GALNT16: variants seen among roughly 807,000 people sequenced by gnomAD.
The protein encoded by GALNT16 is UDP-GalNAc:polypeptide N-acetylgalactosaminyltransferase-like protein 1.
In GALNT16, 40 loss-of-function variants were observed where a neutral mutation model predicts 76.1. The ratio of observed to expected loss-of-function variants is 0.53; its 90% CI spans 0.41 to 0.68. The LOEUF is 0.68. Among genes scored for constraint, GALNT16 ranks in the 30% least tolerant of loss-of-function variants. The pLI is 0.00. For synonymous variants in GALNT16, 276 were observed against 285.2 expected (o/e 0.97, Z 0.32); for missense variants, 621 against 731.9 (o/e 0.85, Z 1.75).
chr14:69,309,919 G>T (rs962943028), intron 1 of GALNT16, among the ~76,000 whole-genome samples: 7 of 151,990 alleles, frequency 4.6e-5, no homozygotes, highest in Non-Finnish European at 8.8e-5. Flanking sequence ...TTCTTTTTCA[G>T]TTTAAATATT....
At chr14:69,318,466 G>A (rs767956884) in intron 1 of GALNT16, among the ~76,000 whole-genome samples, 140 of 152,210 alleles carry the variant, frequency 9.2e-4, no homozygotes, top group Admixed American at 1.3e-3. Context: ...GGCGCTTGGT[G>A]GAGCTTTGTT....
chr14:69,291,376 G>A (rs918333667), intron 1 of GALNT16, among the ~76,000 whole-genome samples: 4 of 152,040 alleles, frequency 2.6e-5, no homozygotes, highest in South Asian at 2.1e-4. Flanking sequence ...CCCCCTCCCC[G>A]GCTTATTAGA....
chr14:69,329,148 G>A (rs1209735901), intron 6 of GALNT16, among the ~76,000 whole-genome samples: 2 of 152,146 alleles, frequency 1.3e-5, no homozygotes, highest in Admixed American at 6.5e-5. Context: ...ACCTGAGATC[G>A]GGAGTTCAAG....
In GALNT16 at chr14:69,312,054, AATCTGTCTATCT is replaced by A. The variant is rs1357829838; in HGVS notation, c.178-8652_178-8641del. Among the ~76,000 whole-genome samples, 854 of 125,738 alleles carry A rather than the reference AATCTGTCTATCT, an allele frequency of 6.8e-3. 8 individuals carry two copies. The highest frequency in any genetic ancestry group is 0.018 in the African/African-American group (608 of 32,884). 82.5% of individuals were successfully genotyped at this position (125,738 alleles called of 152,430 possible). ...TCCTGTTTCTAAAAAAAAAAAAAAA[AATCTGTCTATCT>A]ATCTATCTATCTATCTATCTATCTA... On this transcript the variant is annotated intron_variant, in intron 1 of 14. Transcript: ENST00000448469.
intron 1 of GALNT16, among the ~76,000 whole-genome samples, chr14:69,270,522 T>G (rs918911397): frequency 2.6e-5 from 4 of 152,220 alleles, no homozygotes; most frequent in African/African-American, 9.6e-5. Flanking sequence ...TCACAGCAGC[T>G]CTGCCTGTAG....
chr14:69,345,031 G>A (rs1333662936), intron 12 of GALNT16, among the ~76,000 whole-genome samples: 1 of 152,148 alleles, frequency 6.6e-6, no homozygotes, highest in Non-Finnish European at 1.5e-5. Flanking sequence ...GGCAAAGTGC[G>A]ATGCAGAAGC....
intron 1 of GALNT16, among the ~76,000 whole-genome samples, chr14:69,277,910 G>A (rs756200801): frequency 4.7e-4 from 72 of 151,800 alleles, no homozygotes; most frequent in African/African-American, 1.4e-3. Context: ...TTTAATGATC[G>A]CCATTCTAAC....
At chr14:69,371,928 A>G in the GALNT16 span, among the ~76,000 whole-genome samples, 1 of 152,268 alleles carries the variant, frequency 6.6e-6, no homozygotes, top group Admixed American at 6.5e-5. Context: ...TGGGCGACAG[A>G]GCAAGACTGT....
the GALNT16 span, among the ~76,000 whole-genome samples, chr14:69,377,804 CAAAAAAAAAAAAAAAA>C: frequency 4.1e-3 from 152 of 37,500 alleles, 1 homozygote; most frequent in Non-Finnish European, 6.1e-3. Flanking sequence ...GAGACTGTCT[CAAAAAAAAAAAAAAAA>C]AAAAAAAAAA....
chr14:69,375,975 G>A, the GALNT16 span, among the ~76,000 whole-genome samples: 16 of 151,258 alleles, frequency 1.1e-4, no homozygotes, highest in East Asian at 1.2e-3. Flanking sequence ...GTCTACCGTC[G>A]ACGTTAAAAA....
In GALNT16 at chr14:69,353,426, C is replaced by T. The variant is rs570370071; in HGVS notation, c.*1258C>T. 3.9e-5 allele frequency: 6 copies of T among 152,432 alleles called. No homozygotes were observed. The East Asian group carries it at 7.7e-4, about 20-fold the overall frequency. 9.4% of individuals were successfully genotyped at this position (152,432 alleles called of 1,614,324 possible). On this transcript the variant is annotated 3_prime_UTR_variant, in exon 15 of 15. Coordinates refer to ENST00000448469, the MANE Select transcript of GALNT16 (RefSeq NM_001168368.2). ...AGAACTCCCAGTTCCTTTTCACAGC[C>T]GCTGAGAACACATCCACACATCTAC...
At chr14:69,326,536 G>A (rs1043391158) in intron 5 of GALNT16, among the ~76,000 whole-genome samples, 1 of 152,176 alleles carries the variant, frequency 6.6e-6, no homozygotes, top group African/African-American at 2.4e-5. Context: ...CTGTGGTTGT[G>A]TATGAATAGC....
At chr14:69,301,176 A>G (rs67740035) in intron 1 of GALNT16, among the ~76,000 whole-genome samples, 17,889 of 152,016 alleles carry the variant, frequency 0.12, 1,241 homozygotes, top group East Asian at 0.32. Context: ...GGACCTCAGG[A>G]GTTTGTGAGC....
downstream of GALNT16, among the ~76,000 whole-genome samples, chr14:69,361,938 C>T (rs1228353739): frequency 6.6e-6 from 1 of 152,114 alleles, no homozygotes; most frequent in South Asian, 2.1e-4. Context: ...ACCTGGGAGG[C>T]GGAGACTGCA....
In GALNT16 at chr14:69,333,601, G is replaced by A; in HGVS notation, c.967+1G>A. The A allele has an allele frequency of 6.8e-7, 1 of 1,481,074 alleles. No homozygotes were observed. Among genetic ancestry groups the A allele is most frequent in the Non-Finnish European group, 9.4e-7 (1 of 1,065,498 alleles). 91.7% of individuals were successfully genotyped at this position (1,481,074 alleles called of 1,614,324 possible). Reference sequence around the variant, plus strand: ...GACATCTGGGGGGGAGAGAATTTTGGTGAGTTGGGAAATAGTGACAGTGAA... The same window carrying A: ...GACATCTGGGGGGGAGAGAATTTTGATGAGTTGGGAAATAGTGACAGTGAA... On this transcript the variant is annotated splice_donor_variant, in intron 9 of 14. Coordinates refer to ENST00000448469, the MANE Select transcript of GALNT16 (RefSeq NM_001168368.2). LOFTEE classifies it high-confidence loss of function. The surrounding 1 kb of genome is among the most constrained non-coding windows in gnomAD (Gnocchi z 4.2).
At chr14:69,289,692 T>C (rs1460642777) in intron 1 of GALNT16, among the ~76,000 whole-genome samples, 2 of 152,116 alleles carry the variant, frequency 1.3e-5, no homozygotes, top group Non-Finnish European at 2.9e-5. Context: ...GATACTAGGC[T>C]TCCCAAAACA....
chr14:69,374,080 C>T, the GALNT16 span, among the ~76,000 whole-genome samples: 4,984 of 152,252 alleles, frequency 0.033, 292 homozygotes, highest in African/African-American at 0.11. Flanking sequence ...TGTGCCTGGC[C>T]CTCCTCTAAG....
intron 4 of GALNT16, 91 bp downstream of exon 4, chr14:69,325,495 G>T: frequency 2.5e-6 from 2 of 804,094 alleles, no homozygotes; most frequent in Admixed American, 1.7e-5. Flanking sequence ...AGGTTGTCCT[G>T]ACCATCGCAG....
At chr14:69,383,434 A>C in the GALNT16 span, among the ~76,000 whole-genome samples, 3 of 152,270 alleles carry the variant, frequency 2.0e-5, no homozygotes, top group African/African-American at 7.2e-5. Flanking sequence ...TGGTCTGAGG[A>C]GTAACGGCCC....
Sources: allele counts gnomAD v4.1 joint callset (sites outside exome capture counted in the v4.1 genomes callset), GRCh38; gene constraint gnomAD v4.1.1; non-coding constraint Gnocchi (gnomAD v3.1); transcripts MANE v1.5; gene names NCBI Gene and HGNC (gene_info 2026-07-23, HGNC 2026-07-21).